Variants in NTM observed in about 807,000 individuals in gnomAD.
NTM encodes neurotrimin.
NTM carries 13 observed loss-of-function variants against 42.1 expected under a neutral mutation model. That is an observed-to-expected ratio of 0.31 (90% CI 0.20 to 0.49). NTM has a LOEUF of 0.49. Ranked by LOEUF, NTM falls within the 20% of genes least tolerant of loss-of-function variation. NTM has a pLI of 0.99. For synonymous variants in NTM, 187 were observed against 179.2 expected, an observed-to-expected ratio of 1.04 and a Z score of -0.35; for missense variants, 373 against 452.8, an observed-to-expected ratio of 0.82 and a Z score of 1.60.
At chr11:132,256,451 A>G (rs2092476381) in intron 4 of NTM, among the ~76,000 whole-genome samples, 1 of 152,146 alleles carries the variant, frequency 6.6e-6, no homozygotes, top group African/African-American at 2.4e-5. Flanking sequence ...TGCAATGGAT[A>G]CACTTTCCTC....
At chr11:131,820,764 G>A (rs552933212) in intron 1 of NTM, among the ~76,000 whole-genome samples, 10 of 152,234 alleles carry the variant, frequency 6.6e-5, no homozygotes, top group South Asian at 4.2e-4. Flanking sequence ...TGAAAGTTTC[G>A]TGACATTTTT....
At chr11:131,783,062 T>C (rs1464369443) in intron 1 of NTM, among the ~76,000 whole-genome samples, 1 of 152,166 alleles carries the variant, frequency 6.6e-6, no homozygotes, top group Non-Finnish European at 1.5e-5. Context: ...ATGAGTGGCA[T>C]GATTGTGTAC....
chr11:132,326,592 C>T (rs1433065009), intron 7 of NTM, among the ~76,000 whole-genome samples: 3 of 152,224 alleles, frequency 2.0e-5, no homozygotes, highest in African/African-American at 4.8e-5. Context: ...TCTGATTCTT[C>T]GGATGTGCTC....
At chr11:132,019,514 T>A (rs537052894) in intron 2 of NTM, among the ~76,000 whole-genome samples, 1 of 152,190 alleles carries the variant, frequency 6.6e-6, no homozygotes, top group South Asian at 2.1e-4. Flanking sequence ...CATACCTATA[T>A]AAGTATTACA....
chr11:132,304,077 A>G (rs1035187537), intron 4 of NTM, among the ~76,000 whole-genome samples: 4 of 152,212 alleles, frequency 2.6e-5, no homozygotes, highest in Non-Finnish European at 5.9e-5. Flanking sequence ...TCTTCATAGC[A>G]CTTGTGCAAA....
intron 1 of NTM, among the ~76,000 whole-genome samples, chr11:131,643,662 A>C (rs1322112249): frequency 6.6e-6 from 1 of 152,170 alleles, no homozygotes; most frequent in African/African-American, 2.4e-5. Flanking sequence ...CCTGTCTATC[A>C]TCCATTCAAC....
rs542579930 is a variant in NTM at position 131,683,575 on chromosome 11, C to G, written c.83-227989C>G. ...GTGGGTTTGTAGTTGCAGAAATAGACCCTGGATGTGTCCGAGGTTCACTCT... is the reference window on the plus strand; with the variant it reads ...GTGGGTTTGTAGTTGCAGAAATAGAGCCTGGATGTGTCCGAGGTTCACTCT... On this transcript the variant is annotated intron_variant, in intron 1 of 8. Coordinates refer to ENST00000683400, the MANE Select transcript of NTM (RefSeq NM_001352005.2). Among the ~76,000 whole-genome samples the G allele has an allele frequency of 4.4e-4, 67 of 152,328 alleles. 1 individual carries two copies. Among genetic ancestry groups the G allele is most frequent in the African/African-American group, 1.5e-3 (62 of 41,576 alleles).
intron 1 of NTM, among the ~76,000 whole-genome samples, chr11:131,798,350 C>T (rs2091802963): frequency 6.6e-6 from 1 of 152,140 alleles, no homozygotes; most frequent in African/African-American, 2.4e-5. Flanking sequence ...TGCAAGGGAA[C>T]AACATCTAGG....
chr11:131,852,882 C>A lies in NTM; in HGVS notation c.83-58682C>A, dbSNP rs182255097. On this transcript the variant is annotated intron_variant, in intron 1 of 8. Coordinates refer to ENST00000683400, the MANE Select transcript of NTM (RefSeq NM_001352005.2). The stretch of plus-strand genomic sequence containing the variant: ...TCTATCCATCCATCCACCCATCCGT[C>A]CATCCATCCATCCACCCACCCATCC... 1.1e-3 allele frequency among the ~76,000 whole-genome samples: 160 copies of A among 149,578 alleles called. 1 individual carries two copies. The highest frequency in any genetic ancestry group is 3.8e-3 in the African/African-American group (154 of 40,572).
chr11:131,494,415 A>G (rs1310372469), intron 1 of NTM, among the ~76,000 whole-genome samples: 1 of 152,242 alleles, frequency 6.6e-6, no homozygotes, highest in Non-Finnish European at 1.5e-5. Context: ...GCATTCTGGT[A>G]GAAGGCTTTC....
At chr11:132,113,602 C>G (rs981467754) in intron 2 of NTM, among the ~76,000 whole-genome samples, 2 of 152,210 alleles carry the variant, frequency 1.3e-5, no homozygotes, top group South Asian at 4.1e-4. Flanking sequence ...GCCTCCACCA[C>G]TGGCTGGGAT....
chr11:132,265,326 C>T (rs1367824674), intron 4 of NTM, among the ~76,000 whole-genome samples: 1 of 152,170 alleles, frequency 6.6e-6, no homozygotes, highest in African/African-American at 2.4e-5. Flanking sequence ...GTTTTGTACG[C>T]AAACGTAGGC....
chr11:132,194,881 G>A (rs1473175290), intron 3 of NTM, among the ~76,000 whole-genome samples: 2 of 142,982 alleles, frequency 1.4e-5, no homozygotes, highest in South Asian at 2.2e-4. Context: ...GCAGTGCAGT[G>A]GTGTAATCTC....
intron 2 of NTM, among the ~76,000 whole-genome samples, chr11:131,952,809 G>C (rs2061158793): frequency 6.6e-6 from 1 of 152,152 alleles, no homozygotes; most frequent in South Asian, 2.1e-4. Context: ...ATGGATGTCA[G>C]GTTGGGATAG....
chr11:132,225,973 T>G lies in NTM; in HGVS notation c.526+13826T>G, dbSNP rs527601854. Among the ~76,000 whole-genome samples the G allele has an allele frequency of 1.6e-4, 25 of 152,322 alleles. No individual in the cohort carries two copies. The East Asian group carries it at 4.5e-3, about 27-fold the overall frequency. ...TGAGAACATGTGGCGTTTGGTTTTC[T>G]GTTCTTGTGTTTGTTTGCTGAGAAT... On this transcript the variant is annotated intron_variant, in intron 4 of 8. Transcript: ENST00000683400.
intron 1 of NTM, among the ~76,000 whole-genome samples, chr11:131,617,669 A>G (rs1158993320): frequency 6.6e-6 from 1 of 152,196 alleles, no homozygotes; most frequent in Non-Finnish European, 1.5e-5. Context: ...TGAAAGATGA[A>G]TGGAACTGGC....
chr11:132,166,048 CT>C (rs1185088203), intron 3 of NTM, among the ~76,000 whole-genome samples: 3 of 152,054 alleles, frequency 2.0e-5, no homozygotes. Context: ...ACCTAAAGCT[CT>C]TTATGGCCCA....
chr11:131,438,068 T>C (rs1949299384), intron 1 of NTM, among the ~76,000 whole-genome samples: 1 of 152,224 alleles, frequency 6.6e-6, no homozygotes, highest in Non-Finnish European at 1.5e-5. Context: ...TATGAAATTG[T>C]GGGTTGAAAA....
intron 4 of NTM, among the ~76,000 whole-genome samples, chr11:132,214,944 C>G (rs1437257020): frequency 6.6e-6 from 1 of 152,216 alleles, no homozygotes; most frequent in African/African-American, 2.4e-5. Context: ...TAACTAATCA[C>G]CTCAGAACTC....
Sources: allele counts gnomAD v4.1 joint callset (sites outside exome capture counted in the v4.1 genomes callset), GRCh38; gene constraint gnomAD v4.1.1; transcripts MANE v1.5; gene names NCBI Gene and HGNC (gene_info 2026-07-23, HGNC 2026-07-21).